Variants in E2F3 observed in about 807,000 individuals in gnomAD.
The protein encoded by E2F3 is transcription factor E2F3.
Under a neutral mutation model 44.4 loss-of-function variants are expected in E2F3, and 11 were observed. That is an observed-to-expected ratio of 0.25 (90% CI 0.16 to 0.41). E2F3 has a LOEUF of 0.41. Ranked by LOEUF, E2F3 falls within the 10% of genes least tolerant of loss-of-function variation. E2F3 has a pLI of 1.00. For missense variants in E2F3, 487 were observed against 583.6 expected (o/e 0.83, Z 1.70); for synonymous variants, 249 against 253.0 (o/e 0.98, Z 0.15).
At chr6:20,417,680 C>T (rs1268730401) in intron 1 of E2F3, among the ~76,000 whole-genome samples, 1 of 151,510 alleles carries the variant, frequency 6.6e-6, no homozygotes, top group Non-Finnish European at 1.5e-5. Context: ...AGGCATATAA[C>T]CTGTCCATTT....
intron 1 of E2F3, among the ~76,000 whole-genome samples, chr6:20,474,757 A>G (rs947860431): frequency 4.6e-5 from 7 of 152,234 alleles, no homozygotes; most frequent in Non-Finnish European, 8.8e-5. Context: ...ATGCTGCTCC[A>G]TCAAATATCA....
At chr6:20,464,407 C>G (rs73384634) in intron 1 of E2F3, among the ~76,000 whole-genome samples, 2,657 of 152,284 alleles carry the variant, frequency 0.017, 86 homozygotes, top group African/African-American at 0.06. Flanking sequence ...GTAGCATGAT[C>G]TCTTATAAAC....
intron 1 of E2F3, among the ~76,000 whole-genome samples, chr6:20,413,270 C>T (rs771852602): frequency 6.7e-6 from 1 of 149,896 alleles, no homozygotes; most frequent in Non-Finnish European, 1.5e-5. Flanking sequence ...TCCCAGGCTC[C>T]ATCCCTATCC....
At chr6:20,404,461 TA>T (rs1759426226) in intron 1 of E2F3, among the ~76,000 whole-genome samples, 2 of 152,234 alleles carry the variant, frequency 1.3e-5, no homozygotes, top group African/African-American at 4.8e-5. Flanking sequence ...AGATCCATGG[TA>T]GCCTGATTAT....
chr6:20,421,381 A>G (rs2127589911), intron 1 of E2F3, among the ~76,000 whole-genome samples: 1 of 152,328 alleles, frequency 6.6e-6, no homozygotes, highest in East Asian at 1.9e-4. Flanking sequence ...TAACCTTACA[A>G]AATGTACTTC....
chr6:20,424,186 T>G (rs923011450), intron 1 of E2F3, among the ~76,000 whole-genome samples: 1 of 150,500 alleles, frequency 6.6e-6, no homozygotes, highest in Non-Finnish European at 1.5e-5. Flanking sequence ...ATTTTATTAT[T>G]TTGATCTTTA....
chr6:20,451,650 G>T (rs1244717956), intron 1 of E2F3, among the ~76,000 whole-genome samples: 2 of 152,118 alleles, frequency 1.3e-5, no homozygotes, highest in Non-Finnish European at 2.9e-5. Flanking sequence ...TTTTCAAGGG[G>T]AATGCTTCCA....
Position 20,438,586 on chromosome 6 carries a change from T to A in E2F3, c.393+35961T>A, listed in dbSNP as rs181621709. The stretch of plus-strand genomic sequence containing the variant: ...GATGTTCAAATTTCTATTGTGAAAA[T>A]CCTAGCTCATTCCTTGCTAGAGATG... On this transcript the variant is annotated intron_variant, in intron 1 of 6. Transcript: ENST00000346618. 1.1e-4 allele frequency among the ~76,000 whole-genome samples: 16 copies of A among 152,266 alleles called. No individual in the cohort carries two copies. The East Asian group carries it at 1.5e-3, about 15-fold the overall frequency.
rs1759395658 is a variant in E2F3 at position 20,403,798 on chromosome 6, C to A, written c.393+1173C>A. 8.0e-6 allele frequency: 12 copies of A among 1,497,922 alleles called. No individual in the cohort carries two copies. The South Asian group carries it at 9.9e-5, about 12-fold the overall frequency. 92.8% of individuals were successfully genotyped at this position (1,497,922 alleles called of 1,614,324 possible). ...GCCGGCCCCCCACCTCCCCCCGGAG[C>A]CAGGCTGGTTTCGGAAATGCCCTTA... On this transcript the variant is annotated intron_variant, in intron 1 of 6. Coordinates refer to ENST00000346618, the MANE Select transcript of E2F3 (RefSeq NM_001949.5).
In E2F3 at chr6:20,490,464, TA is replaced by T. The variant is rs780275342; in HGVS notation, c.*35del. The stretch of plus-strand genomic sequence containing the variant: ...CGTGTGAACTCTCCTTAAAAACCGA[TA>T]TTTTTTTATCATGGAACCAGAACAT... On this transcript the variant is annotated 3_prime_UTR_variant, in exon 7 of 7. Transcript: ENST00000346618. This position sits in a 1 kb window ranked among gnomAD's most constrained non-coding sequence, Gnocchi z 4.3. The T allele has an allele frequency of 1.1e-5, 16 of 1,516,478 alleles. 1 individual carries two copies. In the South Asian group the frequency reaches 1.9e-4, roughly 18 times the overall value. The allele number at this position is 1,516,478 out of a possible 1,614,324, so 93.9% of individuals were successfully genotyped here. A position where few individuals can be genotyped will look rare whatever the true frequency, so the allele number is the denominator to read the frequency against.
At chr6:20,426,456 A>G (rs939011350) in intron 1 of E2F3, among the ~76,000 whole-genome samples, 5 of 152,224 alleles carry the variant, frequency 3.3e-5, no homozygotes, top group African/African-American at 1.2e-4. Flanking sequence ...TTACTTCCAG[A>G]CTGAGAGGTA....
In E2F3 at chr6:20,493,028, T is replaced by A. The variant is rs1417019806; in HGVS notation, c.*2598T>A. On this transcript the variant is annotated 3_prime_UTR_variant, in exon 7 of 7. Coordinates refer to ENST00000346618, the MANE Select transcript of E2F3 (RefSeq NM_001949.5). Reference sequence around the variant, plus strand: ...TGTATAAAGGGCAACACATGAGCTGTCAAACAGTGTTAGGAGTGTGTTTAT... The same window carrying A: ...TGTATAAAGGGCAACACATGAGCTGACAAACAGTGTTAGGAGTGTGTTTAT... The A allele has an allele frequency of 4.6e-6, 1 of 215,904 alleles. No homozygotes were observed. Among genetic ancestry groups the A allele is most frequent in the Non-Finnish European group, 9.4e-6 (1 of 106,908 alleles). 13.4% of individuals were successfully genotyped at this position (215,904 alleles called of 1,614,324 possible).
At chr6:20,454,374 A>C (rs1469629026) in intron 1 of E2F3, among the ~76,000 whole-genome samples, 2 of 152,242 alleles carry the variant, frequency 1.3e-5, no homozygotes, top group Non-Finnish European at 2.9e-5. Context: ...ACAACCCTAT[A>C]GCACTGCCTT....
At chr6:20,469,333 G>A (rs2127613403) in intron 1 of E2F3, among the ~76,000 whole-genome samples, 1 of 152,210 alleles carries the variant, frequency 6.6e-6, no homozygotes, top group South Asian at 2.1e-4. Context: ...AACTAAAATG[G>A]CTAAACCAGA....
intron 1 of E2F3, among the ~76,000 whole-genome samples, chr6:20,471,929 A>G (rs1761902268): frequency 6.6e-6 from 1 of 151,932 alleles, no homozygotes; most frequent in Non-Finnish European, 1.5e-5. Flanking sequence ...TTTTTATATT[A>G]CACATATCTC....
intron 1 of E2F3, among the ~76,000 whole-genome samples, chr6:20,432,890 G>T (rs1760455480): frequency 6.6e-6 from 1 of 152,198 alleles, no homozygotes. Context: ...TGTCCCATCT[G>T]CCTGGAATGG....
At chr6:20,460,600 G>A (rs1269006435) in intron 1 of E2F3, among the ~76,000 whole-genome samples, 6 of 152,188 alleles carry the variant, frequency 3.9e-5, no homozygotes, top group South Asian at 2.1e-4. Flanking sequence ...GTTGATTATA[G>A]TGCTATAATA....
At chr6:20,431,814 G>T (rs1218099772) in intron 1 of E2F3, among the ~76,000 whole-genome samples, 2 of 152,162 alleles carry the variant, frequency 1.3e-5, no homozygotes, top group Non-Finnish European at 2.9e-5. Context: ...GTCTGGTAGG[G>T]CTGCCATAAG....
intron 1 of E2F3, among the ~76,000 whole-genome samples, chr6:20,406,210 C>T (rs376971858): frequency 1.3e-5 from 2 of 152,122 alleles, no homozygotes; most frequent in Admixed American, 1.3e-4. Context: ...ACTACCTTAC[C>T]AGCTGTAAAG....
Sources: allele counts gnomAD v4.1 joint callset (sites outside exome capture counted in the v4.1 genomes callset), GRCh38; gene constraint gnomAD v4.1.1; non-coding constraint Gnocchi (gnomAD v3.1); transcripts MANE v1.5; gene names NCBI Gene and HGNC (gene_info 2026-07-23, HGNC 2026-07-21).